The following N4BP2 variants were observed in gnomAD, a reference collection of about 807,000 sequenced individuals.
N4BP2 encodes the protein NEDD4-binding protein 2.
Under a neutral mutation model 152.8 loss-of-function variants are expected in N4BP2, and 91 were observed. That is an observed-to-expected ratio of 0.60 (90% CI 0.50 to 0.71). N4BP2 has a LOEUF of 0.71. Ranked by LOEUF, N4BP2 falls within the 30% of genes least tolerant of loss-of-function variation. The pLI, the probability that N4BP2 is intolerant of heterozygous loss-of-function variation, is 0.00. For missense variants in N4BP2, 1,923 were observed against 2,059.1 expected (o/e 0.93, Z 1.28); for synonymous variants, 646 against 705.3 (o/e 0.92, Z 1.33).
chr4:40,121,254 GATTT>G lies in N4BP2; in HGVS notation c.3145_3148del (p.Phe1049SerfsTer21). Reference sequence around the variant, plus strand: ...AAAGTATTAACAGGAAGATTAGATGGATTTAAGCCGAAAGTTTTCAATATTAACA... The same window carrying G: ...AAAGTATTAACAGGAAGATTAGATGGAAGCCGAAAGTTTTCAATATTAACA... On this transcript the variant is annotated frameshift_variant, in exon 9 of 18. Transcript: ENST00000261435. LOFTEE classifies it high-confidence loss of function. 6.2e-7 allele frequency: 1 copy of G among 1,613,388 alleles called. No homozygotes were observed. The highest frequency in any genetic ancestry group is 8.5e-7 in the Non-Finnish European group (1 of 1,179,824).
In N4BP2 at chr4:40,155,177, A is replaced by AG. The variant is rs1453908926; in HGVS notation, c.*942dup. The AG allele has an allele frequency of 6.6e-6, 1 of 152,304 alleles. No individual in the cohort carries two copies. The highest frequency in any genetic ancestry group is 1.5e-5 in the Non-Finnish European group (1 of 68,110). 9.4% of individuals were successfully genotyped at this position (152,304 alleles called of 1,614,324 possible). Reference sequence around the variant, plus strand: ...GAGGCCGAGGTAGGTGGATCGCCTGAGGTCAGAAGTTCAAGACCAGCCTGG... The same window carrying AG: ...GAGGCCGAGGTAGGTGGATCGCCTGAGGGTCAGAAGTTCAAGACCAGCCTGG... On this transcript the variant is annotated 3_prime_UTR_variant, in exon 18 of 18. Transcript: ENST00000261435.
chr4:40,112,229 C>T, intron 6 of N4BP2, 57 bp downstream of exon 6: 1 of 975,174 alleles, frequency 1.0e-6, no homozygotes, highest in Non-Finnish European at 1.6e-6. Context: ...TATTGGGGAA[C>T]ATTAATTATG....
downstream of N4BP2, among the ~76,000 whole-genome samples, chr4:40,160,493 G>A (rs182380859): frequency 2.0e-5 from 3 of 152,320 alleles, no homozygotes; most frequent in Admixed American, 6.5e-5. Flanking sequence ...AGTCAGCCAC[G>A]CTAACGTTAA....
chr4:40,067,012 G>A (rs957587149), intron 1 of N4BP2, among the ~76,000 whole-genome samples: 2 of 148,018 alleles, frequency 1.4e-5, no homozygotes, highest in African/African-American at 2.5e-5. Context: ...TTAGCATAAT[G>A]TCCTCAAGAT....
At chr4:40,066,618 C>T (rs1711552719) in intron 1 of N4BP2, among the ~76,000 whole-genome samples, 1 of 152,204 alleles carries the variant, frequency 6.6e-6, no homozygotes, top group Admixed American at 6.5e-5. Context: ...CCGTGCCTAG[C>T]CCTGGTCTGT....
chr4:40,085,145 T>C (rs1332200322), intron 2 of N4BP2, among the ~76,000 whole-genome samples: 1 of 150,678 alleles, frequency 6.6e-6, no homozygotes, highest in Non-Finnish European at 1.5e-5. Context: ...ACTTCTGACC[T>C]TGTGATCCAC....
intron 8 of N4BP2, 71 bp downstream of exon 8, chr4:40,118,095 T>C (rs1717522229): frequency 7.9e-7 from 1 of 1,263,724 alleles, no homozygotes; most frequent in East Asian, 2.7e-5. Flanking sequence ...TTTTGGAGCT[T>C]GTGGAATCAT....
intron 8 of N4BP2, among the ~76,000 whole-genome samples, 182 bp downstream of exon 8, chr4:40,118,206 G>C (rs1346730365): frequency 6.6e-6 from 1 of 152,126 alleles, no homozygotes; most frequent in Admixed American, 6.5e-5. Flanking sequence ...ATCACCTGAG[G>C]TCAGGAGTTC....
chr4:40,112,846 G>A (rs550681135), intron 6 of N4BP2, among the ~76,000 whole-genome samples: 3 of 152,138 alleles, frequency 2.0e-5, no homozygotes, highest in African/African-American at 7.2e-5. Context: ...GGGATTACAG[G>A]TGCCCGCCAC....
chr4:40,079,110 T>G (rs1336106852), intron 2 of N4BP2, among the ~76,000 whole-genome samples: 1 of 151,652 alleles, frequency 6.6e-6, no homozygotes, highest in African/African-American at 2.4e-5. Flanking sequence ...TTGGTAGAGA[T>G]GGGGTTTTAC....
In N4BP2 at chr4:40,106,966, A is replaced by G. The variant is rs1307815398; in HGVS notation, c.1440A>G (p.Gly480=). ...LSTDDYFYIN[G]QYQFDVKYLG... ...CTGATGATTATTTTTATATAAATGG[A>G]CAGTACCAGTTTGATGTAAAGTACT... is the stretch of plus-strand genomic sequence containing the variant. The change falls in exon 5 of 18, where the codon GGA becomes GGG. Residue 480 remains glycine, a synonymous_variant. Coordinates refer to ENST00000261435, the MANE Select transcript of N4BP2 (RefSeq NM_018177.6). 1 of 1,612,558 alleles carries G rather than the reference A, an allele frequency of 6.2e-7. No homozygotes were observed. Among genetic ancestry groups the G allele is most frequent in the Non-Finnish European group, 8.5e-7 (1 of 1,178,598 alleles).
chr4:40,081,690 A>T (rs1713383408), intron 2 of N4BP2, among the ~76,000 whole-genome samples: 1 of 151,558 alleles, frequency 6.6e-6, no homozygotes, highest in Admixed American at 6.6e-5. Flanking sequence ...TATTATCCAA[A>T]TCAGGCTGGG....
chr4:40,136,129 C>G (rs1338090539), intron 13 of N4BP2, among the ~76,000 whole-genome samples: 1 of 152,052 alleles, frequency 6.6e-6, no homozygotes, highest in Non-Finnish European at 1.5e-5. Flanking sequence ...TTTTTCTTTT[C>G]TGTATCCCTG....
At chr4:40,184,223 A>G in the N4BP2 span, among the ~76,000 whole-genome samples, 1 of 152,336 alleles carries the variant, frequency 6.6e-6, no homozygotes, top group African/African-American at 2.4e-5. Flanking sequence ...AAAGAAAACC[A>G]CAAAAATGGT....
intron 2 of N4BP2, among the ~76,000 whole-genome samples, chr4:40,090,062 A>G (rs956081810): frequency 2.0e-5 from 3 of 152,150 alleles, no homozygotes; most frequent in African/African-American, 4.8e-5. Context: ...CTTTTGCACC[A>G]TAGTCAAAAA....
chr4:40,070,212 G>T (rs10017867), intron 1 of N4BP2, among the ~76,000 whole-genome samples: 129,143 of 152,120 alleles, frequency 0.85, 54,890 homozygotes, highest in East Asian at 0.97. Context: ...AAACTAAGAG[G>T]GGCAAATAAG....
At position 40,122,303 on chromosome 4, in the gene N4BP2, G is replaced by T; in HGVS notation, c.4192G>T (p.Asp1398Tyr). The change falls in exon 9 of 18, where the codon GAT becomes TAT. Residue 1398 changes from aspartate to tyrosine, a missense_variant. Physicochemically the swap from Asp to Tyr is radical, Grantham distance 160 (BLOSUM62 -3). Transcript: ENST00000261435. Reference protein sequence around the residue: ...LNELFGPVGIDSGSLTVEDCV... With the variant: ...LNELFGPVGIYSGSLTVEDCV... ...TGAATTATTTGGTCCTGTTGGTATTGATTCAGGTAAGGAAAAAGTAAATGA... is the reference window on the plus strand; with the variant it reads ...TGAATTATTTGGTCCTGTTGGTATTTATTCAGGTAAGGAAAAAGTAAATGA... 3 of 1,557,702 alleles carry T rather than the reference G, an allele frequency of 1.9e-6. No homozygotes were observed. In the African/African-American group the frequency reaches 4.1e-5, roughly 21 times the overall value.
At chr4:40,105,930 A>G (rs1716231925) in intron 4 of N4BP2, among the ~76,000 whole-genome samples, 1 of 152,180 alleles carries the variant, frequency 6.6e-6, no homozygotes, top group African/African-American at 2.4e-5. Context: ...GGAAAGCTAC[A>G]AAGAGAAGAG....
chr4:40,116,744 T>C (rs1367037131), intron 7 of N4BP2, among the ~76,000 whole-genome samples: 4 of 152,194 alleles, frequency 2.6e-5, no homozygotes, highest in Non-Finnish European at 5.9e-5. Flanking sequence ...CTTTGAGAAT[T>C]TTCTTTATAG....
Sources: allele counts gnomAD v4.1 joint callset (sites outside exome capture counted in the v4.1 genomes callset), GRCh38; gene constraint gnomAD v4.1.1; transcripts MANE v1.5; gene names NCBI Gene and HGNC (gene_info 2026-07-23, HGNC 2026-07-21).